SLC35F4: variants seen among roughly 807,000 people sequenced by gnomAD.
SLC35F4 encodes solute carrier family 35 member F4.
Under a neutral mutation model 44.2 loss-of-function variants are expected in SLC35F4, and 24 were observed. The observed-to-expected ratio is 0.54, with a 90% CI of 0.39 to 0.76. SLC35F4 has a LOEUF of 0.76. SLC35F4 is among the 30% of genes least tolerant of loss of function. SLC35F4 has a pLI of 0.00. For synonymous variants in SLC35F4, 238 were observed against 223.6 expected (o/e 1.06, Z -0.57); for missense variants, 562 against 586.1 (o/e 0.96, Z 0.42).
intron 1 of SLC35F4, among the ~76,000 whole-genome samples, chr14:57,887,401 T>C (rs1305698408): frequency 6.6e-6 from 1 of 152,204 alleles, no homozygotes; most frequent in Non-Finnish European, 1.5e-5. Context: ...GTTCTACAGG[T>C]AATACAGACT....
intron 1 of SLC35F4, among the ~76,000 whole-genome samples, chr14:57,696,883 A>T (rs1156675743): frequency 6.6e-6 from 1 of 152,176 alleles, no homozygotes; most frequent in Admixed American, 6.5e-5. Context: ...ACACATGGGC[A>T]CAGGGAGGGG....
rs1044957245 is a variant in SLC35F4 at position 57,789,044 on chromosome 14, C to T, written c.103+76679G>A. The stretch of plus-strand genomic sequence containing the variant: ...GAGGGAAACTTGTAGCACTAAATGC[C>T]TACATGAGAAAGTGGGACAGATCTA... On this transcript the variant is annotated intron_variant, in intron 1 of 7. Coordinates refer to ENST00000556826, the MANE Select transcript of SLC35F4 (RefSeq NM_001306087.2). 3.3e-5 allele frequency among the ~76,000 whole-genome samples: 5 copies of T among 152,116 alleles called. No homozygotes were observed. The East Asian group carries it at 9.6e-4, about 29-fold the overall frequency.
intron 1 of SLC35F4, among the ~76,000 whole-genome samples, chr14:57,914,495 G>A (rs540658177): frequency 2.6e-5 from 4 of 151,974 alleles, no homozygotes; most frequent in Non-Finnish European, 2.9e-5. Flanking sequence ...CCCAGGAGAC[G>A]GAGTTTGCAG....
intron 1 of SLC35F4, among the ~76,000 whole-genome samples, chr14:57,839,484 C>T (rs1430910220): frequency 6.6e-6 from 1 of 152,048 alleles, no homozygotes; most frequent in African/African-American, 2.4e-5. Context: ...CACAGGAACA[C>T]AAAACCAAAC....
chr14:57,798,797 T>C (rs2078116465), intron 1 of SLC35F4, among the ~76,000 whole-genome samples: 2 of 152,162 alleles, frequency 1.3e-5, no homozygotes, highest in African/African-American at 2.4e-5. Flanking sequence ...CAGCCAACTT[T>C]AGGGCTTTTA....
chr14:57,856,017 C>T (rs930457911), intron 1 of SLC35F4, among the ~76,000 whole-genome samples: 2 of 151,970 alleles, frequency 1.3e-5, no homozygotes, highest in Non-Finnish European at 2.9e-5. Flanking sequence ...AGGCAGGGAA[C>T]ATCACACACT....
chr14:57,924,735 C>T (rs1803721362), intron 1 of SLC35F4, among the ~76,000 whole-genome samples: 1 of 152,136 alleles, frequency 6.6e-6, no homozygotes, highest in South Asian at 2.1e-4. Flanking sequence ...GTGTTAGCCA[C>T]CAAGCCCAGC....
chr14:57,766,566 A>G (rs1296382822), intron 1 of SLC35F4, among the ~76,000 whole-genome samples: 1 of 152,206 alleles, frequency 6.6e-6, no homozygotes, highest in Non-Finnish European at 1.5e-5. Flanking sequence ...AGAACCCTTA[A>G]AGTAACTGGG....
At chr14:57,795,985 T>G (rs1227041837) in intron 1 of SLC35F4, among the ~76,000 whole-genome samples, 1 of 152,242 alleles carries the variant, frequency 6.6e-6, no homozygotes, top group East Asian at 1.9e-4. Context: ...CAGTGTCACT[T>G]GTTTCCTTGT....
Position 57,620,313 on chromosome 14 carries a change from G to C in SLC35F4, c.104-26189C>G, listed in dbSNP as rs2072106372. Reference sequence around the variant, plus strand: ...GAGAAAGGTCGGGTTACACACAAAGGGAAGCCCATCAGACTAACAGTGAAT... The same window carrying C: ...GAGAAAGGTCGGGTTACACACAAAGCGAAGCCCATCAGACTAACAGTGAAT... On this transcript the variant is annotated intron_variant, in intron 1 of 7. Transcript: ENST00000556826. Among the ~76,000 whole-genome samples the C allele has an allele frequency of 2.0e-5, 3 of 152,120 alleles. No individual in the cohort carries two copies. In the South Asian group the frequency reaches 6.2e-4, roughly 32 times the overall value.
Position 57,564,358 on chromosome 14 carries a change from T to G in SLC35F4, c.1235A>C (p.Gln412Pro), listed in dbSNP as rs967100859. 2.5e-6 allele frequency: 4 copies of G among 1,607,400 alleles called. No homozygotes were observed. The African/African-American group carries it at 4.0e-5, about 16-fold the overall frequency. Residue 412 changes from glutamine (Q) to proline (P), a missense_variant, in exon 8 of 8, where the codon CAG (glutamine) becomes CCG (proline). Transcript: ENST00000556826. ...PGNAAVDLLK[Q>P]EVIFNVVRLA... ...GCGGACAACATTGAATATCACCTCC[T>G]GCTTTAGGAGATCCACAGCTAGGAA...
At chr14:57,648,063 T>C (rs2073619370) in intron 1 of SLC35F4, among the ~76,000 whole-genome samples, 1 of 152,238 alleles carries the variant, frequency 6.6e-6, no homozygotes. Context: ...GTGTTTTCAC[T>C]ATTGTCTAGC....
rs150892652 is a variant in SLC35F4 at position 57,737,497 on chromosome 14, G to A, written c.103+128226C>T. On this transcript the variant is annotated intron_variant, in intron 1 of 7. Coordinates refer to ENST00000556826, the MANE Select transcript of SLC35F4 (RefSeq NM_001306087.2). ...AAAAGTGTACAGTGTCCAGAACAGC[G>A]AACACATAACTGGAAAGGAGTTAAT... Among the ~76,000 whole-genome samples the A allele has an allele frequency of 2.8e-4, 43 of 152,072 alleles. No individual in the cohort carries two copies. The East Asian group carries it at 6.2e-3, about 22-fold the overall frequency.
At chr14:57,805,359 T>A (rs768149409) in intron 1 of SLC35F4, among the ~76,000 whole-genome samples, 1 of 152,122 alleles carries the variant, frequency 6.6e-6, no homozygotes. Flanking sequence ...AGCAAAGACA[T>A]GAAATCAACC....
At chr14:57,880,900 G>T (rs2141032616) in intron 1 of SLC35F4, among the ~76,000 whole-genome samples, 1 of 152,264 alleles carries the variant, frequency 6.6e-6, no homozygotes. Context: ...ATTTCTAAAG[G>T]ATTCGTTCAT....
At chr14:57,903,705 A>G (rs1488929947) in intron 1 of SLC35F4, among the ~76,000 whole-genome samples, 2 of 152,244 alleles carry the variant, frequency 1.3e-5, no homozygotes, top group Non-Finnish European at 2.9e-5. Flanking sequence ...TTTATTAACA[A>G]AAGTCTAAAG....
At chr14:57,750,504 A>G (rs570574602) in intron 1 of SLC35F4, among the ~76,000 whole-genome samples, 3 of 152,358 alleles carry the variant, frequency 2.0e-5, no homozygotes, top group South Asian at 4.1e-4. Flanking sequence ...CCAACAGTGT[A>G]TAAGAGTTTC....
intron 1 of SLC35F4, among the ~76,000 whole-genome samples, chr14:57,881,008 T>C (rs934976648): frequency 6.6e-6 from 1 of 152,164 alleles, no homozygotes; most frequent in African/African-American, 2.4e-5. Context: ...TAAACCTAGA[T>C]TCAAAGCAAA....
chr14:57,877,614 C>T (rs1276555186), intron 1 of SLC35F4, among the ~76,000 whole-genome samples: 1 of 151,742 alleles, frequency 6.6e-6, no homozygotes, highest in African/African-American at 2.4e-5. Flanking sequence ...TACATTCCCA[C>T]CAGTAGTATA....
Sources: allele counts gnomAD v4.1 joint callset (sites outside exome capture counted in the v4.1 genomes callset), GRCh38; gene constraint gnomAD v4.1.1; transcripts MANE v1.5; gene names NCBI Gene and HGNC (gene_info 2026-07-23, HGNC 2026-07-21).